TAF3: variants seen among roughly 807,000 people sequenced by gnomAD.
The protein encoded by TAF3 is transcription initiation factor TFIID subunit 3.
Under a neutral mutation model 80.6 loss-of-function variants are expected in TAF3, and 7 were observed. That is an observed-to-expected ratio of 0.09 (90% CI 0.05 to 0.16). The LOEUF is 0.16. TAF3 is among the 10% of genes least tolerant of loss of function. The pLI is 1.00. For synonymous variants in TAF3, 444 were observed against 446.1 expected, an observed-to-expected ratio of 1.00 and a Z score of 0.06; for missense variants, 921 against 1,140.2, an observed-to-expected ratio of 0.81 and a Z score of 2.77.
At chr10:7,999,791 T>C (rs1831925934) in intron 4 of TAF3, among the ~76,000 whole-genome samples, 2 of 152,180 alleles carry the variant, frequency 1.3e-5, no homozygotes, top group South Asian at 2.1e-4. Context: ...AATACCATCA[T>C]TGTAGGAGGT....
chr10:7,932,113 AAC>A (rs1837873847), intron 2 of TAF3, among the ~76,000 whole-genome samples: 1 of 152,254 alleles, frequency 6.6e-6, no homozygotes. Context: ...TTAGAAATTT[AAC>A]TCGGAGCATA....
chr10:7,994,004 G>C (rs1255434705), intron 4 of TAF3, among the ~76,000 whole-genome samples: 2 of 146,650 alleles, frequency 1.4e-5, no homozygotes, highest in Non-Finnish European at 3.0e-5. Context: ...GTCTCTCTCT[G>C]TCTCTTTTTC....
At chr10:7,944,567 G>A (rs892652758) in intron 2 of TAF3, among the ~76,000 whole-genome samples, 1 of 152,216 alleles carries the variant, frequency 6.6e-6, no homozygotes, top group African/African-American at 2.4e-5. Flanking sequence ...TAGAGCAGGA[G>A]TGAGCCTCAG....
intron 2 of TAF3, among the ~76,000 whole-genome samples, chr10:7,891,453 C>T (rs1054066169): frequency 1.3e-5 from 2 of 152,196 alleles, no homozygotes; most frequent in African/African-American, 4.8e-5. Flanking sequence ...TGTGTGCTAA[C>T]TTGCACTATG....
At chr10:7,845,925 G>A (rs1053459024) in intron 2 of TAF3, among the ~76,000 whole-genome samples, 50 of 149,908 alleles carry the variant, frequency 3.3e-4, no homozygotes, top group Non-Finnish European at 1.2e-4. Flanking sequence ...TTTGATTTCT[G>A]AGTTTAAAAG....
chr10:7,826,085 G>T (rs11255385), intron 2 of TAF3, among the ~76,000 whole-genome samples: 25,894 of 152,070 alleles, frequency 0.17, 2,656 homozygotes, highest in East Asian at 0.52. Flanking sequence ...ATAAGTTGTT[G>T]TACAGTCTGT....
chr10:7,982,933 A>G (rs1422479648), intron 4 of TAF3, among the ~76,000 whole-genome samples: 2 of 152,214 alleles, frequency 1.3e-5, no homozygotes, highest in Non-Finnish European at 2.9e-5. Context: ...CTTCATCTCT[A>G]GTGGAAACAC....
At chr10:7,830,516 C>T (rs559251205) in intron 2 of TAF3, among the ~76,000 whole-genome samples, 4 of 101,616 alleles carry the variant, frequency 3.9e-5, no homozygotes, top group Non-Finnish European at 7.1e-5. Flanking sequence ...AGGAGTCTTG[C>T]TCTGTCACCC....
chr10:7,939,269 G>A (rs959258582), intron 2 of TAF3, among the ~76,000 whole-genome samples: 1 of 152,174 alleles, frequency 6.6e-6, no homozygotes, highest in African/African-American at 2.4e-5. Flanking sequence ...CTAGGTGTCA[G>A]TCTCCACACT....
chr10:7,929,259 G>GT (rs35565870), intron 2 of TAF3, among the ~76,000 whole-genome samples: 80,061 of 147,424 alleles, frequency 0.54, 22,548 homozygotes, highest in East Asian at 0.71. Flanking sequence ...TTTTTTTGTT[G>GT]TTTTTTTTTT....
chr10:7,974,146 A>T (rs946733778), intron 3 of TAF3, among the ~76,000 whole-genome samples: 13 of 150,972 alleles, frequency 8.6e-5, no homozygotes, highest in African/African-American at 2.4e-4. Context: ...ACACACACAC[A>T]CACACACACA....
At chr10:7,826,232 C>A (rs569620646) in intron 2 of TAF3, among the ~76,000 whole-genome samples, 54 of 152,280 alleles carry the variant, frequency 3.5e-4, no homozygotes, top group African/African-American at 1.1e-3. Flanking sequence ...TACTAACACA[C>A]CGACAGCCCA....
chr10:7,940,727 G>C (rs1837968082), intron 2 of TAF3, among the ~76,000 whole-genome samples: 1 of 152,162 alleles, frequency 6.6e-6, no homozygotes, highest in African/African-American at 2.4e-5. Context: ...GGCTGAGATG[G>C]GAGGATCATT....
At chr10:7,899,646 A>C (rs1422855052) in intron 2 of TAF3, among the ~76,000 whole-genome samples, 4 of 152,208 alleles carry the variant, frequency 2.6e-5, no homozygotes, top group Non-Finnish European at 5.9e-5. Context: ...TGAAGAACAC[A>C]AAGGAAGAAA....
chr10:7,980,780 A>G (rs1831718891), intron 4 of TAF3, among the ~76,000 whole-genome samples: 1 of 152,152 alleles, frequency 6.6e-6, no homozygotes, highest in African/African-American at 2.4e-5. Context: ...CTGAGGTCCC[A>G]CTTGGACTTG....
At chr10:8,000,927 T>TA (rs1210314144) in intron 4 of TAF3, among the ~76,000 whole-genome samples, 1 of 152,262 alleles carries the variant, frequency 6.6e-6, no homozygotes, top group African/African-American at 2.4e-5. Flanking sequence ...AATTCCATCT[T>TA]ACACCTCCCT....
chr10:7,910,273 A>G (rs1837645122), intron 2 of TAF3, among the ~76,000 whole-genome samples: 1 of 152,242 alleles, frequency 6.6e-6, no homozygotes, highest in African/African-American at 2.4e-5. Context: ...GAAGTGTCTA[A>G]TAAAGATGTA....
chr10:8,002,607 T>C (rs980485940), intron 4 of TAF3, among the ~76,000 whole-genome samples: 3 of 152,182 alleles, frequency 2.0e-5, no homozygotes, highest in Admixed American at 2.0e-4. Context: ...CTTAAGAAAT[T>C]GGGTCAGTTT....
At chr10:7,839,689 A>G (rs1487799954) in intron 2 of TAF3, among the ~76,000 whole-genome samples, 1 of 151,956 alleles carries the variant, frequency 6.6e-6, no homozygotes, top group Non-Finnish European at 1.5e-5. Flanking sequence ...CTTGAGTACA[A>G]TTATTTTTTT....
Sources: gnomAD v4.1 joint callset for allele counts (sites outside exome capture counted in the v4.1 genomes callset) on GRCh38, gnomAD v4.1.1 for gene constraint, MANE v1.5 for transcripts, NCBI Gene and HGNC (gene_info 2026-07-23, HGNC 2026-07-21) for gene names.